PUF60: variants seen among roughly 807,000 people sequenced by gnomAD.
PUF60 encodes the protein poly(U) binding splicing factor 60.
Under a neutral mutation model 61.8 loss-of-function variants are expected in PUF60, and 10 were observed. The ratio of observed to expected loss-of-function variants is 0.16; its 90% CI spans 0.10 to 0.27. The LOEUF (loss-of-function observed/expected upper bound fraction) is 0.27. Ranked by LOEUF, PUF60 falls within the 10% of genes least tolerant of loss-of-function variation. The pLI, the probability that PUF60 is intolerant of heterozygous loss-of-function variation, is 1.00. For missense variants in PUF60, 371 were observed against 754.0 expected (o/e 0.49, Z 5.95); for synonymous variants, 353 against 300.9 (o/e 1.17, Z -1.79).
At chr8:143,824,254 G>A (rs919414235) in intron 2 of PUF60, 59 bp downstream of exon 2, 11 of 1,450,814 alleles carry the variant, frequency 7.6e-6, no homozygotes, top group Non-Finnish European at 1.0e-5. Context: ...GCACAGGCAG[G>A]CGGGCGGGCG....
chr8:143,822,410 C>G (rs1423408569), intron 2 of PUF60: 1 of 437,116 alleles, frequency 2.3e-6, no homozygotes, highest in East Asian at 7.1e-5. Context: ...TTTCAAGGGG[C>G]CCACCCAAGG....
At position 143,818,689 on chromosome 8, in the gene PUF60, G is replaced by T; in HGVS notation, c.349-155C>A. The T allele has an allele frequency of 2.4e-6, 2 of 834,724 alleles. No homozygotes were observed. The highest frequency in any genetic ancestry group is 1.9e-5 in the South Asian group (1 of 53,548). The allele number at this position is 834,724 out of a possible 1,614,324, so 51.7% of individuals were successfully genotyped here. On this transcript the variant is annotated intron_variant, in intron 5 of 11. Coordinates refer to ENST00000526683, the MANE Select transcript of PUF60 (RefSeq NM_078480.3). This position sits in a 1 kb window ranked among gnomAD's most constrained non-coding sequence, Gnocchi z 7.9. ...CGGGCTCCATCCCTGCAGTCATAGT[G>T]TGGGGGTCGCAGGACCCCGCCACCC...
At chr8:143,828,087 T>C (rs530302481) in intron 1 of PUF60, among the ~76,000 whole-genome samples, 2 of 152,340 alleles carry the variant, frequency 1.3e-5, no homozygotes, top group South Asian at 2.1e-4. Flanking sequence ...AGAAAGGACA[T>C]AGTAGAAAGA....
intron 4 of PUF60, among the ~76,000 whole-genome samples, chr8:143,821,038 C>T (rs1160673683): frequency 2.0e-5 from 3 of 152,168 alleles, no homozygotes; most frequent in Non-Finnish European, 2.9e-5. Context: ...GGCGGGGGGG[C>T]GTGAGGCTCG....
Position 143,816,715 on chromosome 8 carries a change from G to C in PUF60, c.1485C>G (p.Arg495=), listed in dbSNP as rs749363318. The C allele has an allele frequency of 3.7e-6, 6 of 1,613,776 alleles. No individual in the cohort carries two copies. The highest frequency in any genetic ancestry group is 5.1e-6 in the Non-Finnish European group (6 of 1,179,876). The part of the protein sequence containing the change: ...EECGKFGAVN[R]VIIYQEKQGE... ...CTTGTTTCTCTTGGTAGATGATGACGCGGTTCACGGCCCCGAACTTGCCAC... is the reference window on the plus strand; with the variant it reads ...CTTGTTTCTCTTGGTAGATGATGACCCGGTTCACGGCCCCGAACTTGCCAC... Residue 495 remains arginine (R), a synonymous_variant, in exon 12 of 12, where the codon CGC becomes CGG. Transcript: ENST00000526683.
intron 1 of PUF60, among the ~76,000 whole-genome samples, chr8:143,826,684 A>G (rs2130425933): frequency 6.6e-6 from 1 of 152,256 alleles, no homozygotes; most frequent in South Asian, 2.1e-4. Context: ...ACCCCACTGC[A>G]CTCTAGCCTG....
In PUF60 at chr8:143,816,571, C is replaced by A. The variant is rs746038403; in HGVS notation, c.1629G>T (p.Val543=). 8 of 1,613,546 alleles carry A rather than the reference C, an allele frequency of 5.0e-6. No individual in the cohort carries two copies. In the African/African-American group the frequency reaches 6.7e-5, roughly 13 times the overall value. ...NGRWFAGRKV[V]AEVYDQERFD... is the part of the protein sequence containing the mutation. The stretch of plus-strand genomic sequence containing the variant: ...AACGCTCCTGGTCGTACACTTCAGC[C>A]ACCACCTTGCGGCCAGCAAACCAGC... Residue 543 remains valine, a synonymous_variant, in exon 12 of 12, where the codon GTG becomes GTT. Transcript: ENST00000526683.
In PUF60 at chr8:143,824,349, TGCCGCCGCC is replaced by T. The variant is rs540307276; in HGVS notation, c.66_74del (p.Ala23_Ala25del). ...TCCATTTGTCTCCCGCTGCCACCACTGCCGCCGCCGCCGCCGGCTCGGACCCCCCTCCTT... is the reference window on the plus strand; with the variant it reads ...TCCATTTGTCTCCCGCTGCCACCACTGCCGCCGGCTCGGACCCCCCTCCTT... On this transcript the variant is annotated inframe_deletion, in exon 2 of 12. Coordinates refer to ENST00000526683, the MANE Select transcript of PUF60 (RefSeq NM_078480.3). 5 of 1,612,306 alleles carry T rather than the reference TGCCGCCGCC, an allele frequency of 3.1e-6. No individual in the cohort carries two copies. Among genetic ancestry groups the T allele is most frequent in the African/African-American group, 2.7e-5 (2 of 75,020 alleles).
At chr8:143,819,612 G>A (rs972632221) in intron 5 of PUF60, among the ~76,000 whole-genome samples, 7 of 152,208 alleles carry the variant, frequency 4.6e-5, no homozygotes, top group African/African-American at 1.2e-4. Flanking sequence ...GACTTCCCAA[G>A]GTGAGATATC....
intron 2 of PUF60, 73 bp downstream of exon 2, chr8:143,824,240 G>A (rs1817363845): frequency 3.2e-5 from 47 of 1,461,122 alleles, no homozygotes; most frequent in Non-Finnish European, 4.4e-5. Context: ...CTGGGCCCAG[G>A]GACGCACAGG....
intron 1 of PUF60, chr8:143,827,486 C>T (rs1013721020): frequency 2.2e-6 from 1 of 455,958 alleles, no homozygotes; most frequent in Non-Finnish European, 4.4e-6. Flanking sequence ...TCCTTCCCCA[C>T]CAGGCCACTG....
At chr8:143,828,678 C>T (rs1817932104) in intron 1 of PUF60, among the ~76,000 whole-genome samples, 1 of 152,206 alleles carries the variant, frequency 6.6e-6, no homozygotes, top group Non-Finnish European at 1.5e-5. Flanking sequence ...TCCCGCAGAG[C>T]TGGGGACAAT....
At chr8:143,829,152 C>A in intron 1 of PUF60, 128 bp downstream of exon 1, 1 of 1,212,888 alleles carries the variant, frequency 8.2e-7, no homozygotes, top group Non-Finnish European at 1.0e-6. Context: ...GACCCGGGGA[C>A]ACGAGGGAGT....
intron 1 of PUF60, among the ~76,000 whole-genome samples, chr8:143,828,663 G>A (rs890533231): frequency 6.6e-6 from 1 of 152,194 alleles, no homozygotes; most frequent in African/African-American, 2.4e-5. Flanking sequence ...TGCGTCCCCA[G>A]ATCCTCCCGC....
Position 143,817,812 on chromosome 8 carries a change from C to T in PUF60, c.818-30G>A. 1 of 1,606,750 alleles carries T rather than the reference C, an allele frequency of 6.2e-7. No individual in the cohort carries two copies. The highest frequency in any genetic ancestry group is 2.2e-5 in the East Asian group (1 of 44,612). ...GGGCAGGAGCAGCAGTGAGCAGGGCCAGCCCCAGCCTCAGGTGGCCCCCAT... is the reference window on the plus strand; with the variant it reads ...GGGCAGGAGCAGCAGTGAGCAGGGCTAGCCCCAGCCTCAGGTGGCCCCCAT... On this transcript the variant is annotated intron_variant, in intron 8 of 11. Transcript: ENST00000526683. The surrounding 1 kb of genome is among the most constrained non-coding windows in gnomAD (Gnocchi z 7.4).
intron 5 of PUF60, 136 bp downstream of exon 5, chr8:143,820,530 C>G: frequency 9.9e-7 from 1 of 1,015,212 alleles, no homozygotes; most frequent in South Asian, 1.4e-5. Context: ...CCACGCCTGG[C>G]GCTCTGCTGC....
At position 143,818,256 on chromosome 8, in the gene PUF60, G is replaced by A. The variant is rs766127777; in HGVS notation, c.540C>T (p.Pro180=). 16 of 1,610,472 alleles carry A rather than the reference G, an allele frequency of 9.9e-6. No individual in the cohort carries two copies. Among genetic ancestry groups the A allele is most frequent in the Admixed American group, 5.0e-5 (3 of 59,794 alleles). ...KGFAFVEYEV[P]EAAQLALEQM... ...GCTCCAAGGCCAGCTGTGCAGCTTC[G>A]GGGACCTCATACTCCACGAAGGCAA... Residue 180 remains proline, a synonymous_variant, in exon 7 of 12, where the codon CCC becomes CCT. Coordinates refer to ENST00000526683, the MANE Select transcript of PUF60 (RefSeq NM_078480.3). This position sits in a 1 kb window ranked among gnomAD's most constrained non-coding sequence, Gnocchi z 7.9.
chr8:143,818,103 ACCGGTCAACCCAGGC>A lies in PUF60; in HGVS notation c.604-43_604-29del. On this transcript the variant is annotated intron_variant, in intron 7 of 11. Transcript: ENST00000526683. This position sits in a 1 kb window ranked among gnomAD's most constrained non-coding sequence, Gnocchi z 7.9. ...GGGGAAGAGGCGGTGAGATGGAAAG[ACCGGTCAACCCAGGC>A]CCGGCCACAAAAGGCTTCCGTGGAG... The A allele has an allele frequency of 1.2e-6, 2 of 1,607,392 alleles. No individual in the cohort carries two copies. The highest frequency in any genetic ancestry group is 1.7e-6 in the Non-Finnish European group (2 of 1,177,004).
At chr8:143,824,474 A>AG in intron 1 of PUF60, 75 bp from the exon 2 acceptor site, 1 of 1,482,648 alleles carries the variant, frequency 6.7e-7, no homozygotes, top group Non-Finnish European at 9.2e-7. Flanking sequence ...TCCCGAGCTA[A>AG]GGGCTGAGCT....
Sources: gnomAD v4.1 joint callset for allele counts (sites outside exome capture counted in the v4.1 genomes callset) on GRCh38, gnomAD v4.1.1 for gene constraint, Gnocchi (gnomAD v3.1) non-coding constraint, MANE v1.5 for transcripts, NCBI Gene and HGNC (gene_info 2026-07-23, HGNC 2026-07-21) for gene names.